Variants in ZDHHC3 observed in about 807,000 individuals in gnomAD.
ZDHHC3 encodes palmitoyltransferase ZDHHC3.
ZDHHC3 carries 9 observed loss-of-function variants against 30.6 expected under a neutral mutation model. The ratio of observed to expected loss-of-function variants is 0.29; its 90% CI spans 0.18 to 0.51. The LOEUF (loss-of-function observed/expected upper bound fraction) is 0.51, where lower values mean the gene tolerates loss of function less well. Among genes scored for constraint, ZDHHC3 ranks in the 20% least tolerant of loss-of-function variants. The pLI is 0.97. For missense variants in ZDHHC3, 246 were observed against 384.2 expected, an observed-to-expected ratio of 0.64 and a Z score of 3.01; for synonymous variants, 136 against 140.2, an observed-to-expected ratio of 0.97 and a Z score of 0.21.
intron 2 of ZDHHC3, among the ~76,000 whole-genome samples, chr3:44,948,857 C>G (rs975269874): frequency 6.6e-6 from 1 of 152,254 alleles, no homozygotes; most frequent in Non-Finnish European, 1.5e-5. Context: ...CCTATTCACT[C>G]CTGAGATGGG....
At chr3:44,960,368 A>C (rs1479356233) in intron 1 of ZDHHC3, among the ~76,000 whole-genome samples, 4 of 151,958 alleles carry the variant, frequency 2.6e-5, no homozygotes, top group Non-Finnish European at 5.9e-5. Context: ...AGATCATAAC[A>C]CTCTGTACAC....
rs553827077 is a variant in ZDHHC3 at position 44,927,383 on chromosome 3, C to T, written c.742-536G>A. ...GTAACAAATCAAATGACTGCTCTGG[C>T]GTTGTGTGTCTCACCAGCCTGGGGG... On this transcript the variant is annotated intron_variant, in intron 6 of 6. Coordinates refer to ENST00000424952, the MANE Select transcript of ZDHHC3 (RefSeq NM_001135179.2). Among the ~76,000 whole-genome samples the T allele has an allele frequency of 5.9e-5, 9 of 152,310 alleles. No homozygotes were observed. The South Asian group carries it at 1.4e-3, about 25-fold the overall frequency.
At position 44,972,591 on chromosome 3, in the gene ZDHHC3, T is replaced by C. The variant is rs559960308; in HGVS notation, c.-25+3342A>G. 5.9e-5 allele frequency among the ~76,000 whole-genome samples: 9 copies of C among 152,330 alleles called. No individual in the cohort carries two copies. The South Asian group carries it at 1.2e-3, about 21-fold the overall frequency. On this transcript the variant is annotated intron_variant, in intron 1 of 6. Coordinates refer to ENST00000424952, the MANE Select transcript of ZDHHC3 (RefSeq NM_001135179.2). ...GAGTTACTCCATCTCTGTCATGTTA[T>C]TGTTGCCGGCTTGTGGCTAGCAGCA... is the stretch of plus-strand genomic sequence containing the variant.
rs1165912218 is a variant in ZDHHC3 at position 44,918,608 on chromosome 3, G to T, written c.*8081C>A. On this transcript the variant is annotated 3_prime_UTR_variant, in exon 7 of 7. Transcript: ENST00000424952. ...TGCAAACACAGCAGAAGGACGATGGGGTTAAGGAAGGAGTGCAGGACACAA... is the reference window on the plus strand; with the variant it reads ...TGCAAACACAGCAGAAGGACGATGGTGTTAAGGAAGGAGTGCAGGACACAA... The T allele has an allele frequency of 1.0e-6, 1 of 985,322 alleles. No individual in the cohort carries two copies. Among genetic ancestry groups the T allele is most frequent in the Non-Finnish European group, 1.2e-6 (1 of 829,930 alleles). 61.0% of individuals were successfully genotyped at this position (985,322 alleles called of 1,614,324 possible).
rs546748294 is a variant in ZDHHC3, at chr3:44,938,083, A to G, written c.432-4099T>C. On this transcript the variant is annotated intron_variant, in intron 3 of 6. Coordinates refer to ENST00000424952, the MANE Select transcript of ZDHHC3 (RefSeq NM_001135179.2). ...ACTGCAGTCTCCAACTCCTGGGTTCAAGCAATTCTCCTGCCTCAGCCTCCC... is the reference window on the plus strand; with the variant it reads ...ACTGCAGTCTCCAACTCCTGGGTTCGAGCAATTCTCCTGCCTCAGCCTCCC... 177 of 245,794 alleles carry G rather than the reference A, an allele frequency of 7.2e-4. 2 individuals are homozygous for G. Among genetic ancestry groups the G allele is most frequent in the African/African-American group, 3.8e-3 (168 of 44,092 alleles). The allele number at this position is 245,794 out of a possible 1,614,324, so 15.2% of individuals were successfully genotyped here.
In ZDHHC3 at chr3:44,919,279, C is replaced by A. The variant is rs953383456; in HGVS notation, c.*7410G>T. On this transcript the variant is annotated 3_prime_UTR_variant, in exon 7 of 7. Transcript: ENST00000424952. ...TATCAACACCATATGCCTCCTGATA[C>A]GGTGCAACGAGGACACATTGCTTCA... The A allele has an allele frequency of 7.2e-5, 16 of 221,406 alleles. No individual in the cohort carries two copies. The highest frequency in any genetic ancestry group is 1.2e-4 in the Non-Finnish European group (16 of 132,002). The allele number at this position is 221,406 out of a possible 1,614,324, so 13.7% of individuals were successfully genotyped here. A position where few individuals can be genotyped will look rare whatever the true frequency, so the allele number is the denominator to read the frequency against.
chr3:44,952,397 A>G (rs1703546049), intron 2 of ZDHHC3, among the ~76,000 whole-genome samples: 1 of 152,066 alleles, frequency 6.6e-6, no homozygotes, highest in East Asian at 1.9e-4. Flanking sequence ...TCCTGCCTCT[A>G]GTCTCTCCCT....
rs968332370 is a variant in ZDHHC3 at position 44,918,928 on chromosome 3, C to T, written c.*7761G>A. On this transcript the variant is annotated 3_prime_UTR_variant, in exon 7 of 7. Coordinates refer to ENST00000424952, the MANE Select transcript of ZDHHC3 (RefSeq NM_001135179.2). ...CAACACCCTGCACAGAGGCCTTTGACCCTCCACTGGGGGCACTGCTTTCTC... is the reference window on the plus strand; with the variant it reads ...CAACACCCTGCACAGAGGCCTTTGATCCTCCACTGGGGGCACTGCTTTCTC... 2.0e-6 allele frequency: 2 copies of T among 985,544 alleles called. No individual in the cohort carries two copies. Among genetic ancestry groups the T allele is most frequent in the South Asian group, 4.7e-5 (1 of 21,292 alleles). 61.0% of individuals were successfully genotyped at this position (985,544 alleles called of 1,614,324 possible).
intron 6 of ZDHHC3, among the ~76,000 whole-genome samples, 189 bp downstream of exon 6, chr3:44,929,117 C>T (rs1044060524): frequency 1.3e-5 from 2 of 152,170 alleles, no homozygotes; most frequent in African/African-American, 2.4e-5. Flanking sequence ...TATGGCTGCC[C>T]CAAGGCTGGA....
chr3:44,953,570 T>G (rs915117761), intron 2 of ZDHHC3, among the ~76,000 whole-genome samples: 4 of 152,142 alleles, frequency 2.6e-5, no homozygotes, highest in African/African-American at 7.2e-5. Context: ...GGCCATGGGA[T>G]CAAAGCCCGT....
In ZDHHC3 at chr3:44,917,760, C is replaced by T. The variant is rs1700284267; in HGVS notation, c.*8929G>A. 2.7e-6 allele frequency: 3 copies of T among 1,104,120 alleles called. No homozygotes were observed. The highest frequency in any genetic ancestry group is 3.1e-5 in the South Asian group (2 of 65,210). 68.4% of individuals were successfully genotyped at this position (1,104,120 alleles called of 1,614,324 possible). A position where few individuals can be genotyped will look rare whatever the true frequency, so the allele number is the denominator to read the frequency against. ...TGGAGAGAAGAAGGAGGGGAAATGG[C>T]AAGGCCAAGCGAGTGGCTAAGGGAA... On this transcript the variant is annotated 3_prime_UTR_variant, in exon 7 of 7. Coordinates refer to ENST00000424952, the MANE Select transcript of ZDHHC3 (RefSeq NM_001135179.2).
intron 2 of ZDHHC3, among the ~76,000 whole-genome samples, chr3:44,946,652 G>A (rs6806025): frequency 0.55 from 83,585 of 151,898 alleles, 23,669 homozygotes; most frequent in East Asian, 0.89. Flanking sequence ...GGGTTGTCTC[G>A]AGGAATGTAT....
chr3:44,933,647 G>C (rs1311645344), intron 4 of ZDHHC3, among the ~76,000 whole-genome samples: 1 of 152,190 alleles, frequency 6.6e-6, no homozygotes, highest in Non-Finnish European at 1.5e-5. Flanking sequence ...ACTTGGAATG[G>C]GAGCCCAGAA....
In ZDHHC3 at chr3:44,920,207, G is replaced by A; in HGVS notation, c.*6482C>T. The A allele has an allele frequency of 7.8e-7, 1 of 1,289,976 alleles. No individual in the cohort carries two copies. The allele number at this position is 1,289,976 out of a possible 1,614,324, so 79.9% of individuals were successfully genotyped here. A position where few individuals can be genotyped will look rare whatever the true frequency, so the allele number is the denominator to read the frequency against. On this transcript the variant is annotated 3_prime_UTR_variant, in exon 7 of 7. Transcript: ENST00000424952. ...CTAAAGGGACCTTCATGTGGGTCAT[G>A]AGCATGTGATGCCATGCTGCTTCCT...
In ZDHHC3 at chr3:44,923,899, A is replaced by G. The variant is rs1055670179; in HGVS notation, c.*2790T>C. ...TTCTACCCAAATGTGTTTTGTGTAC[A>G]TGATATTACCAAGCCCATGCAAATA... is the stretch of plus-strand genomic sequence containing the variant. On this transcript the variant is annotated 3_prime_UTR_variant, in exon 7 of 7. Transcript: ENST00000424952. 2 of 985,434 alleles carry G rather than the reference A, an allele frequency of 2.0e-6. No homozygotes were observed. The highest frequency in any genetic ancestry group is 2.4e-6 in the Non-Finnish European group (2 of 829,932). The allele number at this position is 985,434 out of a possible 1,614,324, so 61.0% of individuals were successfully genotyped here.
rs977064832 is a variant in ZDHHC3, at chr3:44,921,839, A to G, written c.*4850T>C. On this transcript the variant is annotated 3_prime_UTR_variant, in exon 7 of 7. Transcript: ENST00000424952. ...CAGGACCCAAATACTTGGTCACCAG[A>G]CTATATGGCCTCAGCTGCAGAAATT... The G allele has an allele frequency of 2.0e-6, 2 of 985,276 alleles. No individual in the cohort carries two copies. Among genetic ancestry groups the G allele is most frequent in the African/African-American group, 3.5e-5 (2 of 57,232 alleles). 61.0% of individuals were successfully genotyped at this position (985,276 alleles called of 1,614,324 possible).
Position 44,924,740 on chromosome 3 carries a change from C to T in ZDHHC3, c.*1949G>A, listed in dbSNP as rs143146499. On this transcript the variant is annotated 3_prime_UTR_variant, in exon 7 of 7. Transcript: ENST00000424952. ...GCTCTAGTTATTTAATACAATAACA[C>T]TTCTTTCATACACCTAACTGAGCTG... The T allele has an allele frequency of 0.011, 10,482 of 985,402 alleles. 103 individuals carry two copies. Among genetic ancestry groups the T allele is most frequent in the African/African-American group, 0.044 (2,505 of 57,346 alleles). The allele number at this position is 985,402 out of a possible 1,614,324, so 61.0% of individuals were successfully genotyped here.
At chr3:44,967,246 G>C (rs1705034101) in intron 1 of ZDHHC3, among the ~76,000 whole-genome samples, 1 of 152,202 alleles carries the variant, frequency 6.6e-6, no homozygotes, top group Admixed American at 6.5e-5. Context: ...CACACACTCA[G>C]ACTCCTACCA....
chr3:44,926,630 T>C lies in ZDHHC3; in HGVS notation c.*59A>G. The C allele has an allele frequency of 7.0e-7, 1 of 1,429,664 alleles. No individual in the cohort carries two copies. Among genetic ancestry groups the C allele is most frequent in the Non-Finnish European group, 9.2e-7 (1 of 1,086,672 alleles). The allele number at this position is 1,429,664 out of a possible 1,614,324, so 88.6% of individuals were successfully genotyped here. A position where few individuals can be genotyped will look rare whatever the true frequency, so the allele number is the denominator to read the frequency against. On this transcript the variant is annotated 3_prime_UTR_variant, in exon 7 of 7. Coordinates refer to ENST00000424952, the MANE Select transcript of ZDHHC3 (RefSeq NM_001135179.2). ...CGATTTAAACATTCATGAGAACGGA[T>C]GGGACGGTAGTGCTGTGGTGTGGAC...
Sources: allele counts gnomAD v4.1 joint callset (sites outside exome capture counted in the v4.1 genomes callset), GRCh38; gene constraint gnomAD v4.1.1; transcripts MANE v1.5; gene names NCBI Gene and HGNC (gene_info 2026-07-23, HGNC 2026-07-21).